The following SIM1 variants were observed in gnomAD, a reference collection of about 807,000 sequenced individuals.
The protein encoded by SIM1 is SIM bHLH transcription factor 1.
Under a neutral mutation model 78.2 loss-of-function variants are expected in SIM1, and 18 were observed. The ratio of observed to expected loss-of-function variants is 0.23; its 90% CI spans 0.16 to 0.34. The LOEUF is 0.34. Among genes scored for constraint, SIM1 ranks in the 10% least tolerant of loss-of-function variants. SIM1 has a pLI of 1.00. For synonymous variants in SIM1, 417 were observed against 385.2 expected, an observed-to-expected ratio of 1.08 and a Z score of -0.97; for missense variants, 939 against 975.1, an observed-to-expected ratio of 0.96 and a Z score of 0.49.
intron 10 of SIM1, among the ~76,000 whole-genome samples, chr6:100,410,213 G>A (rs1771158569): frequency 6.6e-6 from 1 of 152,108 alleles, no homozygotes; most frequent in African/African-American, 2.4e-5. Context: ...TTACTCTTTA[G>A]TTTTAATAAT....
chr6:100,413,579 T>A (rs571035080), intron 10 of SIM1, among the ~76,000 whole-genome samples: 21 of 152,330 alleles, frequency 1.4e-4, no homozygotes, highest in Non-Finnish European at 2.4e-4. Flanking sequence ...TTTGTGAGAT[T>A]TGTCATCTTT....
At chr6:100,453,255 AG>A (rs1405051743) in intron 3 of SIM1, among the ~76,000 whole-genome samples, 1 of 152,240 alleles carries the variant, frequency 6.6e-6, no homozygotes, top group Non-Finnish European at 1.5e-5. Context: ...GAAAGGCAAT[AG>A]GAAGAGAAGA....
chr6:100,439,010 C>T (rs1323398717), intron 9 of SIM1, among the ~76,000 whole-genome samples: 1 of 152,034 alleles, frequency 6.6e-6, no homozygotes. Flanking sequence ...CTACAGTGTA[C>T]CCTGCTTGGG....
chr6:100,406,731 A>G (rs542135221), intron 10 of SIM1, among the ~76,000 whole-genome samples: 1 of 152,300 alleles, frequency 6.6e-6, no homozygotes, highest in African/African-American at 2.4e-5. Flanking sequence ...CATTTATGGT[A>G]TACAGCACCA....
Position 100,393,488 on chromosome 6 carries a change from A to G in SIM1, c.1569T>C (p.His523=), listed in dbSNP as rs138590764. The G allele has an allele frequency of 4.0e-4, 615 of 1,524,068 alleles. 1 individual carries two copies. The highest frequency in any genetic ancestry group is 9.8e-4 in the South Asian group (76 of 77,534). The allele number at this position is 1,524,068 out of a possible 1,614,324, so 94.4% of individuals were successfully genotyped here. A position where few individuals can be genotyped will look rare whatever the true frequency, so the allele number is the denominator to read the frequency against. Residue 523 remains histidine, a splice_region_variant and synonymous_variant, in exon 11 of 12, where the codon CAT becomes CAC. Coordinates refer to ENST00000369208, the MANE Select transcript of SIM1 (RefSeq NM_005068.3). ...GGGAACCCTTTCACCTGCTCTTACCATGGATCCTGTGGACTGAAGCGATGT... is the reference window on the plus strand; with the variant it reads ...GGGAACCCTTTCACCTGCTCTTACCGTGGATCCTGTGGACTGAAGCGATGT... ...MPHIASVHRI[H]GRGHWDEDSV...
At chr6:100,457,988 C>A (rs987886932) in intron 2 of SIM1, among the ~76,000 whole-genome samples, 1 of 147,982 alleles carries the variant, frequency 6.8e-6, no homozygotes. Flanking sequence ...AAGGTCACAC[C>A]GCTGTCTGTC....
At chr6:100,444,277 C>G (rs1471642451) in intron 9 of SIM1, among the ~76,000 whole-genome samples, 1 of 152,136 alleles carries the variant, frequency 6.6e-6, no homozygotes, top group African/African-American at 2.4e-5. Context: ...TTACTAGACA[C>G]TAGTTCCATT....
At chr6:100,420,734 C>A (rs1219280230) in intron 10 of SIM1, 56 bp downstream of exon 10, 17 of 1,521,630 alleles carry the variant, frequency 1.1e-5, no homozygotes, top group Non-Finnish European at 1.5e-5. Flanking sequence ...TTCTCAACTT[C>A]AAGTTCAAAC....
chr6:100,404,917 A>C (rs1416371457), intron 10 of SIM1, among the ~76,000 whole-genome samples: 2 of 152,250 alleles, frequency 1.3e-5, no homozygotes, highest in Non-Finnish European at 2.9e-5. Flanking sequence ...AATAAAGTTC[A>C]TTTCTAACTT....
chr6:100,401,610 G>A (rs1035348582), intron 10 of SIM1, among the ~76,000 whole-genome samples: 8 of 151,474 alleles, frequency 5.3e-5, no homozygotes, highest in African/African-American at 1.7e-4. Flanking sequence ...AAGGGAAAGA[G>A]AAAAAAAATG....
chr6:100,458,006 TTCTCTCTCTCTC>T lies in SIM1; in HGVS notation c.176-4174_176-4163del, dbSNP rs71028024. Among the ~76,000 whole-genome samples, 790 of 89,924 alleles carry T rather than the reference TTCTCTCTCTCTC, an allele frequency of 8.8e-3. 4 individuals are homozygous for T. Among genetic ancestry groups the T allele is most frequent in the Middle Eastern group, 0.011 (2 of 180 alleles). 59.0% of individuals were successfully genotyped at this position (89,924 alleles called of 152,430 possible). On this transcript the variant is annotated intron_variant, in intron 2 of 11. Transcript: ENST00000369208. ...GTCACACCGCTGTCTGTCTCTCTCTTTCTCTCTCTCTCTCTCTCTCTCTCTCTCTCTCTCTCT... is the reference window on the plus strand; with the variant it reads ...GTCACACCGCTGTCTGTCTCTCTCTTTCTCTCTCTCTCTCTCTCTCTCTCT...
chr6:100,448,026 C>A, intron 8 of SIM1, 120 bp downstream of exon 8: 1 of 749,276 alleles, frequency 1.3e-6, no homozygotes, highest in South Asian at 1.8e-5. Context: ...CACACCACCA[C>A]CACCCGGCTC....
intron 2 of SIM1, among the ~76,000 whole-genome samples, chr6:100,460,271 G>A (rs1245667783): frequency 6.6e-6 from 1 of 152,160 alleles, no homozygotes; most frequent in Non-Finnish European, 1.5e-5. Flanking sequence ...TTCGGCAAAT[G>A]AGAAGGGAAG....
chr6:100,450,690 T>A (rs879331086), intron 3 of SIM1, among the ~76,000 whole-genome samples: 6 of 97,366 alleles, frequency 6.2e-5, no homozygotes, highest in African/African-American at 2.5e-4. Flanking sequence ...TCTCTCTCTC[T>A]CTCTCTCACA....
chr6:100,456,698 C>A (rs1200566749), intron 2 of SIM1, among the ~76,000 whole-genome samples: 6 of 152,184 alleles, frequency 3.9e-5, no homozygotes, highest in Non-Finnish European at 7.3e-5. Context: ...CCCTTAAAGT[C>A]TGCTTTATCA....
intron 9 of SIM1, among the ~76,000 whole-genome samples, chr6:100,436,972 G>A (rs112695864): frequency 0.023 from 3,538 of 152,040 alleles, 49 homozygotes; most frequent in East Asian, 0.043. Context: ...TCCTGACTTC[G>A]TGATCCACCT....
chr6:100,446,178 G>A (rs1772348284), intron 9 of SIM1, among the ~76,000 whole-genome samples: 1 of 152,110 alleles, frequency 6.6e-6, no homozygotes, highest in Admixed American at 6.5e-5. Flanking sequence ...TAGTCTCACT[G>A]CCAAGCATAA....
chr6:100,405,358 A>G (rs1771027468), intron 10 of SIM1, among the ~76,000 whole-genome samples: 1 of 152,102 alleles, frequency 6.6e-6, no homozygotes, highest in Non-Finnish European at 1.5e-5. Flanking sequence ...TTTATACTAT[A>G]AATAATTAGA....
At chr6:100,400,725 C>T (rs943669475) in intron 10 of SIM1, among the ~76,000 whole-genome samples, 1 of 152,014 alleles carries the variant, frequency 6.6e-6, no homozygotes, top group Non-Finnish European at 1.5e-5. Context: ...CTAAATAAAT[C>T]CATGGGTCCA....
Sources: gnomAD v4.1 joint callset for allele counts (sites outside exome capture counted in the v4.1 genomes callset) on GRCh38, gnomAD v4.1.1 for gene constraint, MANE v1.5 for transcripts, NCBI Gene and HGNC (gene_info 2026-07-23, HGNC 2026-07-21) for gene names.